The following LSAMP variants were observed in gnomAD, a reference collection of about 807,000 sequenced individuals.
LSAMP encodes the protein limbic system associated membrane protein, also known as limbic system-associated membrane protein.
In LSAMP, 7 loss-of-function variants were observed where a neutral mutation model predicts 38.6. That is an observed-to-expected ratio of 0.18 (90% confidence interval 0.10 to 0.34). The LOEUF is 0.34. LSAMP is among the 10% of genes least tolerant of loss of function. LSAMP has a pLI of 1.00. For synonymous variants in LSAMP, 154 were observed against 166.8 expected, an observed-to-expected ratio of 0.92 and a Z score of 0.59; for missense variants, 313 against 420.0, an observed-to-expected ratio of 0.75 and a Z score of 2.23.
At chr3:116,379,931 A>G (rs2048535881) in intron 1 of LSAMP, among the ~76,000 whole-genome samples, 1 of 152,076 alleles carries the variant, frequency 6.6e-6, no homozygotes, top group Non-Finnish European at 1.5e-5. Context: ...GGAATCTCTG[A>G]TTTGGCAAAC....
intron 1 of LSAMP, among the ~76,000 whole-genome samples, chr3:116,162,734 G>A (rs543566209): frequency 6.8e-6 from 1 of 147,384 alleles, no homozygotes; most frequent in African/African-American, 2.5e-5. Context: ...GTGAGAGTGT[G>A]TGTGTATATA....
At chr3:115,932,519 C>T (rs1937596172) in intron 3 of LSAMP, among the ~76,000 whole-genome samples, 1 of 152,178 alleles carries the variant, frequency 6.6e-6, no homozygotes, top group African/African-American at 2.4e-5. Context: ...ATTCCAGAAT[C>T]ACAGAATAGA....
chr3:115,899,190 C>T (rs1400006787), intron 3 of LSAMP, among the ~76,000 whole-genome samples: 6 of 152,102 alleles, frequency 3.9e-5, no homozygotes, highest in African/African-American at 4.8e-5. Flanking sequence ...TTAGCTAGCT[C>T]GGCTTCCTTT....
rs1364368349 is a variant in LSAMP at position 116,055,399 on chromosome 3, G to T, written c.388+30925C>A. 3.9e-5 allele frequency among the ~76,000 whole-genome samples: 6 copies of T among 152,292 alleles called. No homozygotes were observed. The East Asian group carries it at 1.2e-3, about 29-fold the overall frequency. ...GCCATAACAGAAACACATAAACTGT[G>T]TGCATATTTAACCTTATTTGGTAGT... is the stretch of plus-strand genomic sequence containing the variant. On this transcript the variant is annotated intron_variant, in intron 2 of 6. Coordinates refer to ENST00000490035, the MANE Select transcript of LSAMP (RefSeq NM_002338.5).
intron 3 of LSAMP, among the ~76,000 whole-genome samples, chr3:115,902,971 C>T (rs940396744): frequency 1.3e-5 from 2 of 152,104 alleles, no homozygotes; most frequent in African/African-American, 4.8e-5. Context: ...CTTCAACCAG[C>T]AATCCCATTA....
chr3:116,387,286 C>T (rs1037695945), intron 1 of LSAMP, among the ~76,000 whole-genome samples: 7 of 152,016 alleles, frequency 4.6e-5, no homozygotes, highest in Admixed American at 4.6e-4. Flanking sequence ...GGTATATGGA[C>T]AGAAAATGCC....
At chr3:115,937,571 T>C (rs1435301477) in intron 3 of LSAMP, among the ~76,000 whole-genome samples, 1 of 151,612 alleles carries the variant, frequency 6.6e-6, no homozygotes, top group Non-Finnish European at 1.5e-5. Flanking sequence ...AGCCCAGGAG[T>C]TGGAGGCTAC....
intron 3 of LSAMP, among the ~76,000 whole-genome samples, chr3:115,973,459 G>A (rs780633079): frequency 2.6e-5 from 4 of 152,160 alleles, no homozygotes; most frequent in African/African-American, 7.2e-5. Flanking sequence ...TTGGCCAGGC[G>A]CGGTGGCTCA....
At chr3:115,811,319 G>A (rs531041203) in intron 6 of LSAMP, among the ~76,000 whole-genome samples, 3 of 152,262 alleles carry the variant, frequency 2.0e-5, no homozygotes, top group African/African-American at 7.2e-5. Flanking sequence ...GAGAGGATTG[G>A]GGAGGAGGAA....
intron 3 of LSAMP, among the ~76,000 whole-genome samples, chr3:115,976,407 A>G (rs187395692): frequency 2.0e-5 from 3 of 152,350 alleles, no homozygotes; most frequent in Admixed American, 2.0e-4. Context: ...GACATAATAT[A>G]TACATGACAA....
intron 1 of LSAMP, 122 bp downstream of exon 1, chr3:116,444,755 G>T: frequency 1.6e-6 from 2 of 1,247,076 alleles, no homozygotes; most frequent in Non-Finnish European, 1.1e-6. Context: ...CCACAAGCCT[G>T]CAGCATCAGG....
At chr3:115,895,544 T>G (rs916758222) in intron 3 of LSAMP, among the ~76,000 whole-genome samples, 3 of 152,042 alleles carry the variant, frequency 2.0e-5, no homozygotes, top group African/African-American at 7.2e-5. Flanking sequence ...AAACAAATAA[T>G]TTTTCAGTAT....
At chr3:116,005,743 G>A (rs1940139211) in intron 3 of LSAMP, among the ~76,000 whole-genome samples, 1 of 152,146 alleles carries the variant, frequency 6.6e-6, no homozygotes, top group African/African-American at 2.4e-5. Context: ...TTCCTTTCAG[G>A]CTGGCCTTGG....
intron 1 of LSAMP, among the ~76,000 whole-genome samples, chr3:116,152,784 G>C (rs1213457619): frequency 2.0e-5 from 3 of 151,956 alleles, no homozygotes; most frequent in Admixed American, 6.6e-5. Context: ...GAAAAATAAG[G>C]CTCAAATAAA....
chr3:116,080,356 T>C (rs1707845003), intron 2 of LSAMP, among the ~76,000 whole-genome samples: 1 of 152,320 alleles, frequency 6.6e-6, no homozygotes, highest in South Asian at 2.1e-4. Flanking sequence ...CTTTTTCTCT[T>C]TTCCCTTATT....
chr3:116,274,178 CTTGGTT>C (rs1242084152), intron 1 of LSAMP, among the ~76,000 whole-genome samples: 1 of 152,118 alleles, frequency 6.6e-6, no homozygotes, highest in Non-Finnish European at 1.5e-5. Context: ...AGTTTCTATG[CTTGGTT>C]CATGTGCTAG....
chr3:116,113,420 A>ATATTT (rs1553705042), intron 1 of LSAMP, among the ~76,000 whole-genome samples: 41 of 51,040 alleles, frequency 8.0e-4, no homozygotes, highest in East Asian at 4.8e-3. Flanking sequence ...ATATATATAT[A>ATATTT]TTTTTTTTTT....
At chr3:116,299,225 C>A (rs1485318636) in intron 1 of LSAMP, among the ~76,000 whole-genome samples, 1 of 152,142 alleles carries the variant, frequency 6.6e-6, no homozygotes, top group Non-Finnish European at 1.5e-5. Context: ...TCCAAAACAG[C>A]TGTGGGTAGG....
chr3:115,826,391 C>A (rs761859474), intron 6 of LSAMP, among the ~76,000 whole-genome samples: 5 of 152,088 alleles, frequency 3.3e-5, no homozygotes. Context: ...CAGGCATGAG[C>A]CACCACGCCT....
Sources: allele counts gnomAD v4.1 joint callset (sites outside exome capture counted in the v4.1 genomes callset), GRCh38; gene constraint gnomAD v4.1.1; transcripts MANE v1.5; gene names NCBI Gene and HGNC (gene_info 2026-07-23, HGNC 2026-07-21).